Variants in CFHR2 observed in about 807,000 individuals in gnomAD.
CFHR2 encodes the protein complement factor H-related protein 2.
A neutral mutation model predicts 21.7 loss-of-function variants in CFHR2; 22 were observed. That is an observed-to-expected ratio of 1.01 (90% confidence interval 0.72 to 1.45). The LOEUF is 1.45. CFHR2 is among the 40% of genes most tolerant of loss of function. The probability of loss-of-function intolerance (pLI) is 0.00; values close to 1 mark genes in which losing one functional copy is unlikely to be tolerated. For missense variants in CFHR2, 294 were observed against 293.3 expected (o/e 1.00, Z -0.02); for synonymous variants, 98 against 97.4 (o/e 1.01, Z -0.04).
chr1:196,953,008 A>G (rs141990325), intron 3 of CFHR2, among the ~76,000 whole-genome samples: 1 of 152,316 alleles, frequency 6.6e-6, no homozygotes, highest in Non-Finnish European at 1.5e-5. Context: ...TCTATGTCCA[A>G]GGTTGAATGG....
At chr1:196,957,459 A>G (rs1652934149) in intron 3 of CFHR2, among the ~76,000 whole-genome samples, 1 of 149,854 alleles carries the variant, frequency 6.7e-6, no homozygotes. Flanking sequence ...ATTCCCTTTT[A>G]GTTTCTATTA....
intron 3 of CFHR2, among the ~76,000 whole-genome samples, chr1:196,955,387 T>A (rs1652829545): frequency 6.6e-6 from 1 of 152,156 alleles, no homozygotes; most frequent in Admixed American, 6.5e-5. Context: ...CATCTTCCTA[T>A]CTTCTTCTGA....
intron 3 of CFHR2, among the ~76,000 whole-genome samples, chr1:196,953,854 T>G (rs193302745): frequency 4.2e-4 from 64 of 152,322 alleles, no homozygotes; most frequent in African/African-American, 1.4e-3. Context: ...TATACTTGAT[T>G]TATTTGGATT....
At chr1:196,953,500 C>A (rs1652732785) in intron 3 of CFHR2, among the ~76,000 whole-genome samples, 1 of 152,160 alleles carries the variant, frequency 6.6e-6, no homozygotes, top group Non-Finnish European at 1.5e-5. Context: ...CCAGGCTGGT[C>A]TCCAACTCCC....
chr1:196,956,334 A>G (rs561155663), intron 3 of CFHR2, among the ~76,000 whole-genome samples: 1 of 152,294 alleles, frequency 6.6e-6, no homozygotes, highest in South Asian at 2.1e-4. Flanking sequence ...GTCAAAATAG[A>G]TGTATATTTT....
At chr1:196,949,136 T>C (rs1233458474) in intron 1 of CFHR2, among the ~76,000 whole-genome samples, 1 of 152,146 alleles carries the variant, frequency 6.6e-6, no homozygotes, top group Non-Finnish European at 1.5e-5. Flanking sequence ...ATCAGGAAGA[T>C]TTGCTAGTCT....
chr1:196,954,218 C>A (rs1384495482), intron 3 of CFHR2, among the ~76,000 whole-genome samples: 1 of 152,220 alleles, frequency 6.6e-6, no homozygotes, highest in Non-Finnish European at 1.5e-5. Context: ...CTACAGTCCC[C>A]ACACAAGTTC....
intron 3 of CFHR2, among the ~76,000 whole-genome samples, chr1:196,957,460 GT>G (rs1223473863): frequency 6.7e-6 from 1 of 149,458 alleles, no homozygotes; most frequent in African/African-American, 2.5e-5. Flanking sequence ...TTCCCTTTTA[GT>G]TTCTATTAAT....
Position 196,959,151 on chromosome 1 carries a change from C to G in CFHR2, c.*71C>G. The G allele has an allele frequency of 3.6e-6, 4 of 1,124,380 alleles. No individual in the cohort carries two copies. The Admixed American group carries it at 1.0e-4, about 29-fold the overall frequency. 69.7% of individuals were successfully genotyped at this position (1,124,380 alleles called of 1,614,324 possible). The stretch of plus-strand genomic sequence containing the variant: ...TTACTATTATATTTGTTTTCAATTT[C>G]ATTTTTCAAGTACTGTTTTACTCAT... On this transcript the variant is annotated 3_prime_UTR_variant, in exon 5 of 5. Transcript: ENST00000367415.
At position 196,950,933 on chromosome 1, in the gene CFHR2, T is replaced by G. The variant is rs535366513; in HGVS notation, c.335T>G (p.Ile112Ser). ...CATCTGGAAGGTGATACTGTACAAA[T>G]TATTTGCAACACAGGATACAGACTT... ...QTHLEGDTVQIICNTGYRLQN... is the reference protein window; with the variant it reads ...QTHLEGDTVQSICNTGYRLQN... The change falls in exon 3 of 5, where the codon ATT (isoleucine) becomes AGT (serine). Residue 112 changes from isoleucine to serine, a missense_variant. By Grantham distance (142) the Ile-to-Ser change is moderately radical. Transcript: ENST00000367415. 6.2e-7 allele frequency: 1 copy of G among 1,612,270 alleles called. No individual in the cohort carries two copies. Among genetic ancestry groups the G allele is most frequent in the Admixed American group, 1.7e-5 (1 of 59,978 alleles).
intron 1 of CFHR2, 50 bp from the exon 2 acceptor site, chr1:196,949,405 T>A (rs778679320): frequency 6.6e-7 from 1 of 1,521,728 alleles, no homozygotes; most frequent in Non-Finnish European, 9.0e-7. Context: ...TCTAGTGATT[T>A]ATTTATGTAG....
chr1:196,958,896 C>A lies in CFHR2; in HGVS notation c.629C>A (p.Ser210Ter). The change falls in exon 5 of 5, where the codon TCA (serine) becomes TAA (stop). Residue 210 changes from serine to a stop codon, truncating the protein, a stop_gained. Coordinates refer to ENST00000367415, the MANE Select transcript of CFHR2 (RefSeq NM_005666.4). LOFTEE classifies it low-confidence loss of function (END_TRUNC). ...PPKCLDPCVI[S>*]QEIMEKYNIK... ...CTACTTTCAGATCCATGTGTAATAT[C>A]ACAAGAAATTATGGAAAAATATAAC... The A allele has an allele frequency of 6.3e-7, 1 of 1,580,326 alleles. No individual in the cohort carries two copies. The highest frequency in any genetic ancestry group is 8.7e-7 in the Non-Finnish European group (1 of 1,151,752).
At chr1:196,952,428 T>A (rs530278680) in intron 3 of CFHR2, among the ~76,000 whole-genome samples, 2 of 152,332 alleles carry the variant, frequency 1.3e-5, no homozygotes, top group East Asian at 3.9e-4. Flanking sequence ...GAACAAATGT[T>A]ATGAATACCA....
Position 196,959,162 on chromosome 1 carries a change from T to C in CFHR2, c.*82T>C. The C allele has an allele frequency of 1.0e-6, 1 of 977,008 alleles. No homozygotes were observed. Among genetic ancestry groups the C allele is most frequent in the Non-Finnish European group, 1.5e-6 (1 of 665,390 alleles). 60.5% of individuals were successfully genotyped at this position (977,008 alleles called of 1,614,324 possible). ...TTTGTTTTCAATTTCATTTTTCAAG[T>C]ACTGTTTTACTCATTTTTATTCATA... On this transcript the variant is annotated 3_prime_UTR_variant, in exon 5 of 5. Coordinates refer to ENST00000367415, the MANE Select transcript of CFHR2 (RefSeq NM_005666.4).
intron 3 of CFHR2, among the ~76,000 whole-genome samples, chr1:196,957,589 A>G (rs1476911091): frequency 1.3e-5 from 2 of 152,094 alleles, no homozygotes; most frequent in Non-Finnish European, 2.9e-5. Context: ...AAAATAAGAA[A>G]CTTTCTGTGT....
In CFHR2 at chr1:196,946,401, A is replaced by G. The variant is rs369751810; in HGVS notation, c.58+2463A>G. On this transcript the variant is annotated intron_variant, in intron 1 of 4. Transcript: ENST00000367415. ...TTTTCTTCGATAATAAATTAACCTT[A>G]GTTTATGTTGACCTTTTTACTTCAT... Among the ~76,000 whole-genome samples, 5 of 152,272 alleles carry G rather than the reference A, an allele frequency of 3.3e-5. No individual in the cohort carries two copies. In the East Asian group the frequency reaches 5.8e-4, roughly 18 times the overall value.
At position 196,958,942 on chromosome 1, in the gene CFHR2, C is replaced by T. The variant is rs931460180; in HGVS notation, c.675C>T (p.Asn225=). The change falls in exon 5 of 5, where the codon AAC becomes AAT. Residue 225 remains asparagine (N), a synonymous_variant. Coordinates refer to ENST00000367415, the MANE Select transcript of CFHR2 (RefSeq NM_005666.4). ...ATAACATAAAATTAAAGTGGACAAA[C>T]CAACAAAAGCTTTATTCAAGAACAG... is the stretch of plus-strand genomic sequence containing the variant. ...EKYNIKLKWT[N]QQKLYSRTGD... The T allele has an allele frequency of 1.9e-6, 3 of 1,604,792 alleles. No homozygotes were observed. The highest frequency in any genetic ancestry group is 1.7e-5 in the Admixed American group (1 of 59,800).
chr1:196,958,117 G>T, intron 4 of CFHR2, 44 bp downstream of exon 4: 1 of 1,553,962 alleles, frequency 6.4e-7, no homozygotes, highest in Middle Eastern at 1.7e-4. Context: ...AAATCAGTGT[G>T]ATGAGTCTGA....
chr1:196,949,445 A>AT lies in CFHR2; in HGVS notation c.59-6dup, dbSNP rs1166963960. 2 of 1,605,860 alleles carry AT rather than the reference A, an allele frequency of 1.2e-6. No individual in the cohort carries two copies. The highest frequency in any genetic ancestry group is 1.7e-6 in the Non-Finnish European group (2 of 1,174,414). ...TTATGTAATTCTTCAGTTTTGTGTT[A>AT]TTTTCCCAGCAATGTTCTGTGATTT... On this transcript the variant is annotated splice_polypyrimidine_tract_variant and intron_variant, in intron 1 of 4. Coordinates refer to ENST00000367415, the MANE Select transcript of CFHR2 (RefSeq NM_005666.4).
Sources: allele counts gnomAD v4.1 joint callset (sites outside exome capture counted in the v4.1 genomes callset), GRCh38; gene constraint gnomAD v4.1.1; transcripts MANE v1.5; gene names NCBI Gene and HGNC (gene_info 2026-07-23, HGNC 2026-07-21).